Variants in NOL10 observed in about 807,000 individuals in gnomAD.
The protein encoded by NOL10 is H_NH0074G24.1.
NOL10 carries 58 observed loss-of-function variants against 103.5 expected under a neutral mutation model. The observed-to-expected ratio is 0.56, with a 90% CI of 0.45 to 0.70. The LOEUF is 0.70. Ranked by LOEUF, NOL10 falls within the 30% of genes least tolerant of loss-of-function variation. NOL10 has a pLI of 0.00. For missense variants in NOL10, 763 were observed against 807.3 expected (o/e 0.95, Z 0.67); for synonymous variants, 287 against 282.5 (o/e 1.02, Z -0.16).
chr2:10,627,306 TAGG>T (rs1677532726), intron 13 of NOL10, among the ~76,000 whole-genome samples: 1 of 152,222 alleles, frequency 6.6e-6, no homozygotes, highest in Non-Finnish European at 1.5e-5. Flanking sequence ...ATCTTTCTTA[TAGG>T]CTTGGCTTTA....
chr2:10,607,152 T>C, intron 14 of NOL10, 33 bp downstream of exon 14: 1 of 1,428,342 alleles, frequency 7.0e-7, no homozygotes, highest in East Asian at 2.4e-5. Flanking sequence ...AATAAAGTAA[T>C]TACATAATAT....
At chr2:10,667,661 T>C (rs916035772) in intron 7 of NOL10, among the ~76,000 whole-genome samples, 1 of 152,240 alleles carries the variant, frequency 6.6e-6, no homozygotes, top group Non-Finnish European at 1.5e-5. Context: ...AGGCTTGTCC[T>C]GGGTACATCA....
At chr2:10,603,311 G>A (rs968675739) in intron 14 of NOL10, among the ~76,000 whole-genome samples, 154 bp from the exon 15 acceptor site, 2 of 152,084 alleles carry the variant, frequency 1.3e-5, no homozygotes, top group Non-Finnish European at 2.9e-5. Flanking sequence ...TATCTATAGA[G>A]AACATTTAAT....
At chr2:10,636,892 A>T (rs1055524397) in intron 13 of NOL10, among the ~76,000 whole-genome samples, 1 of 152,020 alleles carries the variant, frequency 6.6e-6, no homozygotes, top group Non-Finnish European at 1.5e-5. Context: ...TTTGCACCTA[A>T]ATTTGTTTTT....
At chr2:10,615,159 G>T (rs1041955521) in intron 13 of NOL10, among the ~76,000 whole-genome samples, 1 of 152,154 alleles carries the variant, frequency 6.6e-6, no homozygotes, top group Admixed American at 6.5e-5. Flanking sequence ...GAGTAATTAT[G>T]AGTCATTTAA....
rs1184540819 is a variant in NOL10 at position 10,571,752 on chromosome 2, C to G, written c.*319G>C. 4.9e-6 allele frequency: 1 copy of G among 203,080 alleles called. No individual in the cohort carries two copies. The highest frequency in any genetic ancestry group is 1.2e-4 in the East Asian group (1 of 8,538). The allele number at this position is 203,080 out of a possible 1,614,324, so 12.6% of individuals were successfully genotyped here. On this transcript the variant is annotated 3_prime_UTR_variant, in exon 21 of 21. Transcript: ENST00000381685. ...CCTTGGTTTCTGGCACAGGATAAAC[C>G]TTTCATTTCATGGTGTACATTTCAC...
In NOL10 at chr2:10,589,685, C is replaced by A. The variant is rs751799608; in HGVS notation, c.1489G>T (p.Asp497Tyr). The change falls in exon 18 of 21, where the codon GAT becomes TAT. Residue 497 changes from aspartate (D) to tyrosine (Y), a missense_variant. Asp to Tyr is a radical substitution (Grantham distance 160). Coordinates refer to ENST00000381685, the MANE Select transcript of NOL10 (RefSeq NM_024894.4). ...VMFENPDFQVDEESEEFRLLN... is the reference protein window; with the variant it reads ...VMFENPDFQVYEESEEFRLLN... Reference sequence around the variant, plus strand: ...AGCCTAAATTCTTCACTCTCTTCATCTACTTGGAAGTCAGGGTTCTCAAAC... The same window carrying A: ...AGCCTAAATTCTTCACTCTCTTCATATACTTGGAAGTCAGGGTTCTCAAAC... The A allele has an allele frequency of 6.3e-7, 1 of 1,587,814 alleles. No individual in the cohort carries two copies. The highest frequency in any genetic ancestry group is 8.6e-7 in the Non-Finnish European group (1 of 1,168,298).
chr2:10,648,974 C>A (rs1679274762), intron 12 of NOL10, among the ~76,000 whole-genome samples: 1 of 151,990 alleles, frequency 6.6e-6, no homozygotes, highest in Admixed American at 6.6e-5. Context: ...AACAAAAAAA[C>A]CACACCTAAC....
chr2:10,638,792 CTTTTTTTTTTT>C (rs575658225), intron 13 of NOL10, among the ~76,000 whole-genome samples: 2 of 52,836 alleles, frequency 3.8e-5, no homozygotes, highest in African/African-American at 9.4e-5. Flanking sequence ...CGTGCCTGGC[CTTTTTTTTTTT>C]TTTTTTTTTT....
intron 7 of NOL10, among the ~76,000 whole-genome samples, chr2:10,667,489 C>T (rs1018004514): frequency 3.3e-5 from 5 of 152,148 alleles, no homozygotes; most frequent in African/African-American, 1.2e-4. Context: ...CAGGGTGACA[C>T]TCTACCTGCT....
chr2:10,668,689 G>A lies in NOL10; in HGVS notation c.499C>T (p.Arg167Ter), dbSNP rs557627051. 1.9e-6 allele frequency: 3 copies of A among 1,545,032 alleles called. No individual in the cohort carries two copies. The highest frequency in any genetic ancestry group is 2.3e-5 in the East Asian group (1 of 43,604). Residue 167 changes from arginine to a stop codon, truncating the protein, a stop_gained, in exon 7 of 21, where the codon CGA becomes TGA. Coordinates refer to ENST00000381685, the MANE Select transcript of NOL10 (RefSeq NM_024894.4). LOFTEE classifies it high-confidence loss of function. Reference protein sequence around the residue: ...EVYRLNLEQGRYLNPLQTDAA... With the variant: ...EVYRLNLEQG ...TCAGTTTGTAGAGGATTCAGGTATC[G>A]TCCTTGTTCTAAGTTTAACCTATAA...
At chr2:10,606,118 A>G (rs2148191461) in intron 14 of NOL10, among the ~76,000 whole-genome samples, 1 of 152,232 alleles carries the variant, frequency 6.6e-6, no homozygotes, top group South Asian at 2.1e-4. Context: ...AGCAGGCGCA[A>G]CATGTCCTGC....
In NOL10 at chr2:10,586,108, A is replaced by C. The variant is rs137862882; in HGVS notation, c.1844+2935T>G. Among the ~76,000 whole-genome samples, 242 of 152,340 alleles carry C rather than the reference A, an allele frequency of 1.6e-3. 5 individuals are homozygous for C. In the East Asian group the frequency reaches 0.035, roughly 22 times the overall value. ...AAAGTAAACTAGTGGCTGCCTCAGG[A>C]TGGGAGATGGGGTAGGGTAAATGTG... On this transcript the variant is annotated intron_variant, in intron 19 of 20. Transcript: ENST00000381685.
intron 6 of NOL10, 29 bp downstream of exon 6, chr2:10,671,525 A>G: frequency 6.6e-7 from 1 of 1,512,502 alleles, no homozygotes; most frequent in Non-Finnish European, 8.8e-7. Flanking sequence ...TAGGAGGTGA[A>G]AAGGAGAAAA....
At chr2:10,677,289 A>T (rs1681376958) in intron 3 of NOL10, among the ~76,000 whole-genome samples, 2 of 152,084 alleles carry the variant, frequency 1.3e-5, no homozygotes, top group Admixed American at 6.6e-5. Flanking sequence ...CTTCACAATG[A>T]TAGTCTATCT....
intron 1 of NOL10, among the ~76,000 whole-genome samples, chr2:10,685,531 G>T (rs1417608138): frequency 1.5e-5 from 2 of 130,448 alleles, no homozygotes; most frequent in Non-Finnish European, 3.1e-5. Flanking sequence ...AAAAAAACAG[G>T]CTTAACCACT....
chr2:10,687,624 C>T (rs1417263916), intron 1 of NOL10, among the ~76,000 whole-genome samples: 1 of 152,180 alleles, frequency 6.6e-6, no homozygotes, highest in Non-Finnish European at 1.5e-5. Flanking sequence ...TCAACATCTC[C>T]ATTTGGTATG....
chr2:10,589,673 C>T lies in NOL10; in HGVS notation c.1501G>A (p.Glu501Lys). 1 of 1,589,104 alleles carries T rather than the reference C, an allele frequency of 6.3e-7. No individual in the cohort carries two copies. The change falls in exon 18 of 21, where the codon GAA becomes AAA. Residue 501 changes from glutamate to lysine, a missense_variant. Transcript: ENST00000381685. Reference sequence around the variant, plus strand: ...AGTGGATTCAGAAGCCTAAATTCTTCACTCTCTTCATCTACTTGGAAGTCA... The same window carrying T: ...AGTGGATTCAGAAGCCTAAATTCTTTACTCTCTTCATCTACTTGGAAGTCA... ...NPDFQVDEESEEFRLLNPLVS... is the reference protein window; with the variant it reads ...NPDFQVDEESKEFRLLNPLVS...
At chr2:10,675,648 G>C (rs1001262915) in intron 4 of NOL10, 146 bp downstream of exon 4, 1 of 550,994 alleles carries the variant, frequency 1.8e-6, no homozygotes, top group Non-Finnish European at 3.3e-6. Flanking sequence ...GCTACTAAAT[G>C]GATGTTTTAA....
Sources: gnomAD v4.1 joint callset for allele counts (sites outside exome capture counted in the v4.1 genomes callset) on GRCh38, gnomAD v4.1.1 for gene constraint, MANE v1.5 for transcripts, NCBI Gene and HGNC (gene_info 2026-07-23, HGNC 2026-07-21) for gene names.